Variants in MED12L observed in about 807,000 individuals in gnomAD.
The protein encoded by MED12L is mediator complex subunit 12L, also known as mediator of RNA polymerase II transcription subunit 12-like protein.
MED12L carries 60 observed loss-of-function variants against 281.3 expected under a neutral mutation model. The observed-to-expected ratio is 0.21, with a 90% CI of 0.17 to 0.26. MED12L has a LOEUF of 0.26. Among genes scored for constraint, MED12L ranks in the 10% least tolerant of loss-of-function variants. The pLI is 1.00. For synonymous variants in MED12L, 974 were observed against 987.2 expected (o/e 0.99, Z 0.25); for missense variants, 2,146 against 2,680.9 (o/e 0.80, Z 4.41).
Position 151,164,023 on chromosome 3 carries a change from A to G in MED12L, c.1238A>G (p.Asn413Ser), listed in dbSNP as rs1720354786. ...TCCAGCCTCCCCATGCCGGGTGGGA[A>G]CACGGCTTTCAATCAGCAGGTAGAC... is the stretch of plus-strand genomic sequence containing the variant. ...APSSLPMPGG[N>S]TAFNQQVRAR... Residue 413 changes from asparagine (N) to serine (S), a missense_variant, in exon 9 of 45, where the codon AAC (asparagine) becomes AGC (serine). By Grantham distance (46) the Asn-to-Ser change is conservative. Coordinates refer to ENST00000687756, the MANE Select transcript of MED12L (RefSeq NM_001393769.1). 1 of 1,613,490 alleles carries G rather than the reference A, an allele frequency of 6.2e-7. No individual in the cohort carries two copies. Among genetic ancestry groups the G allele is most frequent in the Middle Eastern group, 1.7e-4 (1 of 6,060 alleles).
intron 16 of MED12L, among the ~76,000 whole-genome samples, chr3:151,196,162 T>C (rs981873847): frequency 6.6e-6 from 1 of 152,230 alleles, no homozygotes; most frequent in African/African-American, 2.4e-5. Flanking sequence ...TGATTTTCAG[T>C]GACCACATGT....
At chr3:151,264,545 G>A (rs186063070) in intron 16 of MED12L, among the ~76,000 whole-genome samples, 1 of 152,306 alleles carries the variant, frequency 6.6e-6, no homozygotes, top group East Asian at 1.9e-4. Context: ...AGTATGGAGA[G>A]TTTTCTCATT....
chr3:151,104,478 G>A (rs754878493), intron 2 of MED12L, among the ~76,000 whole-genome samples: 4 of 152,168 alleles, frequency 2.6e-5, no homozygotes, highest in African/African-American at 9.7e-5. Flanking sequence ...GTCAGCGGCC[G>A]AGATGTCTGC....
At chr3:151,157,897 T>C (rs1719487550) in intron 6 of MED12L, among the ~76,000 whole-genome samples, 1 of 152,180 alleles carries the variant, frequency 6.6e-6, no homozygotes, top group African/African-American at 2.4e-5. Flanking sequence ...CAGTTTTTTG[T>C]TTCTTTCTTT....
Position 151,378,174 on chromosome 3 carries a change from G to A in MED12L, c.4478+1G>A. On this transcript the variant is annotated splice_donor_variant, in intron 31 of 44. Transcript: ENST00000687756. LOFTEE classifies it high-confidence loss of function. ...AAAGGGACAGACAGAAACAGAAAAG[G>A]TGTGGCTGGAAGATGGGCGTCTGTG... is the stretch of plus-strand genomic sequence containing the variant. 1 of 1,599,738 alleles carries A rather than the reference G, an allele frequency of 6.3e-7. No homozygotes were observed. Among genetic ancestry groups the A allele is most frequent in the Non-Finnish European group, 8.5e-7 (1 of 1,171,768 alleles).
At chr3:151,213,839 T>C in intron 16 of MED12L, 6 of 1,613,928 alleles carry the variant, frequency 3.7e-6, no homozygotes, top group Non-Finnish European at 5.1e-6. Context: ...CTCTGGTTGG[T>C]GAGAATAATA....
chr3:151,089,015 TAG>T (rs1299566812), intron 2 of MED12L, among the ~76,000 whole-genome samples: 1 of 152,114 alleles, frequency 6.6e-6, no homozygotes, highest in African/African-American at 2.4e-5. Flanking sequence ...GGTTGGTGAG[TAG>T]AGTTTCCTAA....
chr3:151,148,482 G>A (rs920347727), intron 5 of MED12L, among the ~76,000 whole-genome samples: 4 of 152,148 alleles, frequency 2.6e-5, no homozygotes, highest in African/African-American at 4.8e-5. Context: ...CTGCACCAAC[G>A]TCAGGCTGGT....
intron 11 of MED12L, among the ~76,000 whole-genome samples, chr3:151,166,765 TCCTGGGTTCA>T (rs1366672349): frequency 4.0e-5 from 6 of 151,878 alleles, no homozygotes; most frequent in African/African-American, 1.5e-4. Context: ...AACCTCTGCC[TCCTGGGTTCA>T]AGTGATTTTC....
At chr3:151,331,923 G>A (rs1750398502) in intron 16 of MED12L, among the ~76,000 whole-genome samples, 1 of 152,186 alleles carries the variant, frequency 6.6e-6, no homozygotes. Context: ...CAGAGCCCAT[G>A]CTTGGAACCT....
At chr3:151,327,458 C>G (rs1388628) in intron 16 of MED12L, 30,470 of 151,948 alleles carry the variant, frequency 0.2, 3,396 homozygotes, top group South Asian at 0.33. Context: ...AATCCTTTAC[C>G]CAGGATTTCA....
chr3:151,120,547 TGAA>T (rs749365118), intron 3 of MED12L, among the ~76,000 whole-genome samples: 8 of 152,192 alleles, frequency 5.3e-5, no homozygotes, highest in Non-Finnish European at 1.0e-4. Context: ...TCTATAAAAA[TGAA>T]GAAGCTTTCT....
rs529479343 is a variant in MED12L, at chr3:151,358,752, G to A, written c.2825+1376G>A. On this transcript the variant is annotated intron_variant, in intron 20 of 44. Transcript: ENST00000687756. Reference sequence around the variant, plus strand: ...CTTAAAACTATTATTTCACTTCTTCGTACTTATGTGAACAGTACACTGGAT... The same window carrying A: ...CTTAAAACTATTATTTCACTTCTTCATACTTATGTGAACAGTACACTGGAT... Among the ~76,000 whole-genome samples the A allele has an allele frequency of 7.9e-5, 12 of 152,034 alleles. No individual in the cohort carries two copies. In the South Asian group the frequency reaches 1.2e-3, roughly 16 times the overall value.
intron 16 of MED12L, chr3:151,340,948 T>TG (rs1264049628): frequency 1.3e-5 from 2 of 152,176 alleles, no homozygotes; most frequent in Non-Finnish European, 2.9e-5. Context: ...TTTAAAATCT[T>TG]GCGGCTTTTT....
In MED12L at chr3:151,360,546, C is replaced by T. The variant is rs1754483204; in HGVS notation, c.2898C>T (p.Tyr966=). 8.7e-6 allele frequency: 14 copies of T among 1,612,782 alleles called. No homozygotes were observed. Among genetic ancestry groups the T allele is most frequent in the African/African-American group, 1.3e-5 (1 of 74,832 alleles). ...CCCCTGAAAGATGCATTTTAGCCTACCTCTATGATCTCTATGTGTCATGTA... is the reference window on the plus strand; with the variant it reads ...CCCCTGAAAGATGCATTTTAGCCTATCTCTATGATCTCTATGTGTCATGTA... ...CSSPERCILA[Y]LYDLYVSCSH... is the part of the protein sequence containing the mutation. Residue 966 remains tyrosine, a synonymous_variant, in exon 21 of 45, where the codon TAC becomes TAT. Coordinates refer to ENST00000687756, the MANE Select transcript of MED12L (RefSeq NM_001393769.1).
chr3:151,238,978 TGAGAGACAA>T (rs1349116095), intron 16 of MED12L, among the ~76,000 whole-genome samples: 9 of 152,176 alleles, frequency 5.9e-5, no homozygotes, highest in African/African-American at 2.2e-4. Context: ...CTGAATGAAC[TGAGAGACAA>T]TTTTTGACAA....
chr3:151,294,538 G>A lies in MED12L; in HGVS notation c.2251-55521G>A, dbSNP rs756084858. The A allele has an allele frequency of 9.3e-6, 15 of 1,614,002 alleles. No homozygotes were observed. The Middle Eastern group carries it at 4.9e-4, about 53-fold the overall frequency. On this transcript the variant is annotated intron_variant, in intron 16 of 44. Transcript: ENST00000687756. ...TTGACTGACTTATGAATTGCCTGCTGGATTTGTGGATGTACCTGGATATGG... is the reference window on the plus strand; with the variant it reads ...TTGACTGACTTATGAATTGCCTGCTAGATTTGTGGATGTACCTGGATATGG...
intron 11 of MED12L, among the ~76,000 whole-genome samples, chr3:151,170,277 CTTT>C (rs113849929): frequency 5.1e-5 from 7 of 137,732 alleles, no homozygotes; most frequent in African/African-American, 7.9e-5. Flanking sequence ...TTTTCTTTTT[CTTT>C]TTTTTTTTTT....
intron 16 of MED12L, among the ~76,000 whole-genome samples, chr3:151,240,296 C>T (rs1733822521): frequency 6.6e-6 from 1 of 152,128 alleles, no homozygotes; most frequent in Admixed American, 6.6e-5. Context: ...TACTCCTTAC[C>T]CTTTATTTCT....
Sources: allele counts gnomAD v4.1 joint callset (sites outside exome capture counted in the v4.1 genomes callset), GRCh38; gene constraint gnomAD v4.1.1; transcripts MANE v1.5; gene names NCBI Gene and HGNC (gene_info 2026-07-23, HGNC 2026-07-21).